FNDC3B: variants seen among roughly 807,000 people sequenced by gnomAD.
The protein encoded by FNDC3B is fibronectin type III domain-containing protein 3B.
A neutral mutation model predicts 151.5 loss-of-function variants in FNDC3B; 12 were observed. The ratio of observed to expected loss-of-function variants is 0.08; its 90% CI spans 0.05 to 0.13. The LOEUF (loss-of-function observed/expected upper bound fraction) is 0.13, where lower values mean the gene tolerates loss of function less well. FNDC3B is among the 10% of genes least tolerant of loss of function. FNDC3B has a pLI of 1.00. For synonymous variants in FNDC3B, 528 were observed against 549.0 expected (o/e 0.96, Z 0.54); for missense variants, 1,214 against 1,505.3 (o/e 0.81, Z 3.20).
chr3:172,120,699 C>T (rs113316203), intron 2 of FNDC3B, among the ~76,000 whole-genome samples: 2 of 151,852 alleles, frequency 1.3e-5, no homozygotes, highest in Non-Finnish European at 2.9e-5. Flanking sequence ...ATTGGAAAAA[C>T]CAGAAGACAT....
chr3:172,202,687 G>A (rs559753271), intron 3 of FNDC3B, among the ~76,000 whole-genome samples: 2 of 152,266 alleles, frequency 1.3e-5, no homozygotes, highest in African/African-American at 2.4e-5. Flanking sequence ...ATCTGTTATT[G>A]AATGAGTAGA....
At chr3:172,113,848 C>T (rs1720109482) in intron 2 of FNDC3B, among the ~76,000 whole-genome samples, 1 of 152,144 alleles carries the variant, frequency 6.6e-6, no homozygotes, top group Non-Finnish European at 1.5e-5. Flanking sequence ...ACAGTCTTCA[C>T]TCTGTGTTCT....
At chr3:172,279,799 C>T (rs191090415) in intron 6 of FNDC3B, among the ~76,000 whole-genome samples, 9 of 152,234 alleles carry the variant, frequency 5.9e-5, no homozygotes, top group East Asian at 3.9e-4. Flanking sequence ...CTTTTGTATG[C>T]GCTTATTGAT....
intron 3 of FNDC3B, chr3:172,225,715 T>C: frequency 5.1e-6 from 1 of 197,120 alleles, no homozygotes. Context: ...TTAGAGTATG[T>C]TCATCCTTCA....
chr3:172,054,500 G>T (rs899273275), intron 1 of FNDC3B, among the ~76,000 whole-genome samples: 12 of 152,208 alleles, frequency 7.9e-5, no homozygotes, highest in African/African-American at 2.7e-4. Context: ...TTGTGGAGGG[G>T]TGTAGACAAA....
chr3:172,196,662 T>C (rs1003681687), intron 3 of FNDC3B, among the ~76,000 whole-genome samples: 7 of 152,024 alleles, frequency 4.6e-5, no homozygotes, highest in Non-Finnish European at 1.5e-5. Context: ...TGGTGAAAGG[T>C]TCCCTTCTGA....
chr3:172,126,947 T>G, intron 2 of FNDC3B: 1 of 454,138 alleles, frequency 2.2e-6, no homozygotes, highest in South Asian at 1.6e-5. Context: ...TAGGAGTCAC[T>G]CTTGTTGCCG....
intron 6 of FNDC3B, among the ~76,000 whole-genome samples, chr3:172,264,713 T>C (rs894262990): frequency 1.3e-5 from 2 of 152,222 alleles, no homozygotes; most frequent in African/African-American, 4.8e-5. Context: ...ATGATAACGA[T>C]ACATGAGAAG....
chr3:172,058,453 C>CTT (rs76956209), intron 1 of FNDC3B, among the ~76,000 whole-genome samples: 17 of 135,234 alleles, frequency 1.3e-4, no homozygotes, highest in African/African-American at 3.5e-4. Flanking sequence ...CCTTAATTTT[C>CTT]TTTTTTTTTT....
At chr3:172,059,727 A>T (rs1717096241) in intron 1 of FNDC3B, among the ~76,000 whole-genome samples, 1 of 152,260 alleles carries the variant, frequency 6.6e-6, no homozygotes, top group South Asian at 2.1e-4. Flanking sequence ...CATGGAAAAC[A>T]TTAATACCTG....
intron 1 of FNDC3B, among the ~76,000 whole-genome samples, chr3:172,087,424 ATAAG>A (rs1184856411): frequency 1.3e-5 from 2 of 152,182 alleles, no homozygotes; most frequent in Non-Finnish European, 2.9e-5. Context: ...TTGGAATTTG[ATAAG>A]TAAGAATGAG....
chr3:172,261,621 G>T (rs1728651174), intron 6 of FNDC3B, among the ~76,000 whole-genome samples: 1 of 152,180 alleles, frequency 6.6e-6, no homozygotes, highest in South Asian at 2.1e-4. Flanking sequence ...GAAATTCTAG[G>T]AATTGAGTAG....
At chr3:172,118,152 C>T (rs79346751) in intron 2 of FNDC3B, among the ~76,000 whole-genome samples, 3,096 of 152,312 alleles carry the variant, frequency 0.02, 109 homozygotes, top group African/African-American at 0.071. Context: ...ATACACATTT[C>T]CAGACAGTAT....
chr3:172,146,145 A>G (rs1465280313), intron 3 of FNDC3B, among the ~76,000 whole-genome samples: 1 of 152,150 alleles, frequency 6.6e-6, no homozygotes, highest in Non-Finnish European at 1.5e-5. Context: ...AATAAAATAT[A>G]TAAAAAAAAG....
chr3:172,257,974 T>C (rs899882157), intron 6 of FNDC3B, among the ~76,000 whole-genome samples: 1 of 152,182 alleles, frequency 6.6e-6, no homozygotes, highest in Non-Finnish European at 1.5e-5. Flanking sequence ...AGGCATTCAG[T>C]TGGAACACTT....
At chr3:172,386,262 G>T (rs958243914) in intron 25 of FNDC3B, among the ~76,000 whole-genome samples, 1 of 148,318 alleles carries the variant, frequency 6.7e-6, no homozygotes, top group African/African-American at 2.4e-5. Flanking sequence ...ACAGTTTCAT[G>T]CATAGTAAGA....
chr3:172,112,284 G>T (rs977437585), intron 1 of FNDC3B, among the ~76,000 whole-genome samples, 168 bp from the exon 2 acceptor site: 2 of 152,174 alleles, frequency 1.3e-5, no homozygotes, highest in Non-Finnish European at 2.9e-5. Context: ...GGCTATTTCC[G>T]TGCCTTTGTT....
At chr3:172,280,714 A>G (rs1729665575) in intron 6 of FNDC3B, among the ~76,000 whole-genome samples, 1 of 152,248 alleles carries the variant, frequency 6.6e-6, no homozygotes. Context: ...AATGTGAAAT[A>G]AACCAAAGAA....
At chr3:172,202,544 C>G (rs1041806361) in intron 3 of FNDC3B, among the ~76,000 whole-genome samples, 1 of 152,182 alleles carries the variant, frequency 6.6e-6, no homozygotes, top group African/African-American at 2.4e-5. Flanking sequence ...AACTAACACC[C>G]CCTTGTAAGG....
Sources: allele counts gnomAD v4.1 joint callset (sites outside exome capture counted in the v4.1 genomes callset), GRCh38; gene constraint gnomAD v4.1.1; transcripts MANE v1.5; gene names NCBI Gene and HGNC (gene_info 2026-07-23, HGNC 2026-07-21).